JAZF1: variants seen among roughly 807,000 people sequenced by gnomAD.
JAZF1 encodes JAZF zinc finger 1.
JAZF1 carries 8 observed loss-of-function variants against 26.4 expected under a neutral mutation model. That is an observed-to-expected ratio of 0.30 (90% CI 0.18 to 0.55). The LOEUF (loss-of-function observed/expected upper bound fraction) is 0.55. Ranked by LOEUF, JAZF1 falls within the 20% of genes least tolerant of loss-of-function variation. The pLI is 0.94. For missense variants in JAZF1, 199 were observed against 322.0 expected, an observed-to-expected ratio of 0.62 and a Z score of 2.92; for synonymous variants, 126 against 122.3, an observed-to-expected ratio of 1.03 and a Z score of -0.20.
intron 2 of JAZF1, among the ~76,000 whole-genome samples, chr7:27,978,541 A>T (rs1785515644): frequency 6.6e-6 from 1 of 152,230 alleles, no homozygotes; most frequent in Non-Finnish European, 1.5e-5. Flanking sequence ...CAGAAAAAGA[A>T]CAAAAAGCCA....
Position 28,061,717 on chromosome 7 carries a change from C to T in JAZF1, c.116-69736G>A, listed in dbSNP as rs149859458. ...GGAGAGTTTTCAGGCCCAGAATGGC[C>T]GTATTTACAATGGTGAAAACCCAGT... On this transcript the variant is annotated intron_variant, in intron 1 of 4. Coordinates refer to ENST00000283928, the MANE Select transcript of JAZF1 (RefSeq NM_175061.4). Among the ~76,000 whole-genome samples, 140 of 152,080 alleles carry T rather than the reference C, an allele frequency of 9.2e-4. 1 individual carries two copies. The highest frequency in any genetic ancestry group is 3.3e-3 in the African/African-American group (136 of 41,464).
intron 3 of JAZF1, chr7:27,842,546 G>C (rs1276736438): frequency 1.3e-5 from 2 of 152,096 alleles, no homozygotes; most frequent in Non-Finnish European, 2.9e-5. Context: ...AGCTAAATGT[G>C]GGTTTCAATA....
intron 2 of JAZF1, among the ~76,000 whole-genome samples, chr7:27,923,814 A>C (rs1297076669): frequency 1.3e-5 from 2 of 152,210 alleles, no homozygotes; most frequent in South Asian, 2.1e-4. Flanking sequence ...AAACCTGAGA[A>C]AGGTCTGAAC....
At chr7:27,842,678 T>C (rs1420985254) in intron 3 of JAZF1, 1 of 152,194 alleles carries the variant, frequency 6.6e-6, no homozygotes, top group Admixed American at 6.5e-5. Flanking sequence ...GAGCAAATCT[T>C]GAAATCTGTT....
At chr7:28,105,944 A>G (rs575955930) in intron 1 of JAZF1, among the ~76,000 whole-genome samples, 1 of 152,334 alleles carries the variant, frequency 6.6e-6, no homozygotes, top group African/African-American at 2.4e-5. Flanking sequence ...CTCTTCCAGG[A>G]ATAACAACAT....
chr7:27,886,156 G>A (rs1783859274), intron 3 of JAZF1, among the ~76,000 whole-genome samples: 1 of 152,116 alleles, frequency 6.6e-6, no homozygotes, highest in African/African-American at 2.4e-5. Flanking sequence ...AGTTGTTCCT[G>A]GCCCTATCCT....
At chr7:28,176,937 C>T (rs1052542207) in intron 1 of JAZF1, among the ~76,000 whole-genome samples, 5 of 151,988 alleles carry the variant, frequency 3.3e-5, no homozygotes, top group Non-Finnish European at 7.4e-5. Context: ...CTTCATCTAT[C>T]TAGGATGTTC....
intron 2 of JAZF1, among the ~76,000 whole-genome samples, chr7:27,920,849 A>C (rs1784517007): frequency 6.6e-6 from 1 of 152,224 alleles, no homozygotes; most frequent in East Asian, 1.9e-4. Flanking sequence ...AAAAGCATAA[A>C]CGACCATTTT....
In JAZF1 at chr7:27,831,254, A is replaced by G. The variant is rs966620756; in HGVS notation, c.*1546T>C. The G allele has an allele frequency of 4.4e-6, 1 of 225,450 alleles. No homozygotes were observed. The highest frequency in any genetic ancestry group is 2.2e-5 in the African/African-American group (1 of 44,932). The allele number at this position is 225,450 out of a possible 1,614,324, so 14.0% of individuals were successfully genotyped here. A position where few individuals can be genotyped will look rare whatever the true frequency, so the allele number is the denominator to read the frequency against. On this transcript the variant is annotated 3_prime_UTR_variant, in exon 5 of 5. Coordinates refer to ENST00000283928, the MANE Select transcript of JAZF1 (RefSeq NM_175061.4). ...TACTCATCTAACAAACAGAACTGTCATCCTTTCAAAATGTCTGAAAATTGA... is the reference window on the plus strand; with the variant it reads ...TACTCATCTAACAAACAGAACTGTCGTCCTTTCAAAATGTCTGAAAATTGA...
chr7:28,078,907 T>C (rs548237413), intron 1 of JAZF1, among the ~76,000 whole-genome samples: 65 of 152,184 alleles, frequency 4.3e-4, no homozygotes, highest in Non-Finnish European at 6.8e-4. Context: ...CTAGAATAAC[T>C]GACTTTTAGA....
At chr7:28,177,107 T>C (rs765564619) in intron 1 of JAZF1, among the ~76,000 whole-genome samples, 21 of 152,122 alleles carry the variant, frequency 1.4e-4, no homozygotes, top group Admixed American at 7.2e-4. Context: ...GCTACGGGAT[T>C]TCTCGGCAAT....
At chr7:28,145,431 G>A (rs1278519352) in intron 1 of JAZF1, among the ~76,000 whole-genome samples, 1 of 152,168 alleles carries the variant, frequency 6.6e-6, no homozygotes, top group African/African-American at 2.4e-5. Flanking sequence ...TGCTGACTCT[G>A]CAGCTTAATC....
intron 2 of JAZF1, among the ~76,000 whole-genome samples, chr7:27,906,822 A>G (rs997278040): frequency 3.9e-5 from 6 of 152,316 alleles, no homozygotes; most frequent in Non-Finnish European, 7.4e-5. Flanking sequence ...TATTTCTTAC[A>G]CATGGTTTTC....
At chr7:27,982,308 G>A (rs1347622422) in intron 2 of JAZF1, among the ~76,000 whole-genome samples, 4 of 101,306 alleles carry the variant, frequency 3.9e-5, no homozygotes, top group South Asian at 3.5e-4. Context: ...ATTATATCCC[G>A]CGCATGGCTC....
chr7:27,861,305 G>GA (rs1239253363), intron 3 of JAZF1, among the ~76,000 whole-genome samples: 3 of 151,864 alleles, frequency 2.0e-5, no homozygotes, highest in African/African-American at 7.3e-5. Context: ...AAATTTCTTT[G>GA]AAAAAAATTT....
At position 27,892,126 on chromosome 7, in the gene JAZF1, A is replaced by C. The variant is rs145711949; in HGVS notation, c.385+3094T>G. Among the ~76,000 whole-genome samples the C allele has an allele frequency of 2.8e-3, 422 of 152,320 alleles. 3 individuals are homozygous for C. Among genetic ancestry groups the C allele is most frequent in the African/African-American group, 9.5e-3 (397 of 41,572 alleles). On this transcript the variant is annotated intron_variant, in intron 3 of 4. Transcript: ENST00000283928. Reference sequence around the variant, plus strand: ...CACATTAGTCAGGCAAAATAAGCTGATCTCTCTAACTACAGGTAAAATAAC... The same window carrying C: ...CACATTAGTCAGGCAAAATAAGCTGCTCTCTCTAACTACAGGTAAAATAAC...
intron 1 of JAZF1, among the ~76,000 whole-genome samples, chr7:28,090,174 T>C (rs1380073854): frequency 6.6e-6 from 1 of 152,248 alleles, no homozygotes. Context: ...ATCAGTTTAA[T>C]GATTGAACCT....
rs183589427 is a variant in JAZF1 at position 27,981,137 on chromosome 7, T to C, written c.188+10772A>G. On this transcript the variant is annotated intron_variant, in intron 2 of 4. Coordinates refer to ENST00000283928, the MANE Select transcript of JAZF1 (RefSeq NM_175061.4). ...CGTAAACTTACTGATCCACTATACA[T>C]GTCTACTTCTCTCCCAGCTAGGATT... is the stretch of plus-strand genomic sequence containing the variant. 2.5e-3 allele frequency among the ~76,000 whole-genome samples: 380 copies of C among 152,342 alleles called. 2 individuals are homozygous for C. The highest frequency in any genetic ancestry group is 8.8e-3 in the African/African-American group (364 of 41,578).
At chr7:28,030,763 G>GTC (rs1368002136) in intron 1 of JAZF1, among the ~76,000 whole-genome samples, 2 of 152,020 alleles carry the variant, frequency 1.3e-5, no homozygotes, top group South Asian at 2.1e-4. Flanking sequence ...AAACTTTAAT[G>GTC]TCTCTCTCTC....
Sources: allele counts gnomAD v4.1 joint callset (sites outside exome capture counted in the v4.1 genomes callset), GRCh38; gene constraint gnomAD v4.1.1; transcripts MANE v1.5; gene names NCBI Gene and HGNC (gene_info 2026-07-23, HGNC 2026-07-21).